Variants in PDE1C observed in about 807,000 individuals in gnomAD.
The protein encoded by PDE1C is phosphodiesterase 1C, also known as dual specificity calcium/calmodulin-dependent 3',5'-cyclic nucleotide phosphodiesterase 1C.
Under a neutral mutation model 93.1 loss-of-function variants are expected in PDE1C, and 62 were observed. The observed-to-expected ratio is 0.67, with a 90% confidence interval of 0.54 to 0.82. The LOEUF (loss-of-function observed/expected upper bound fraction) is 0.82. PDE1C is among the 40% of genes least tolerant of loss of function. The probability of loss-of-function intolerance (pLI) is 0.00; values close to 1 mark genes in which losing one functional copy is unlikely to be tolerated. For missense variants in PDE1C, 742 were observed against 884.6 expected (o/e 0.84, Z 2.04); for synonymous variants, 325 against 310.1 (o/e 1.05, Z -0.50).
downstream of PDE1C, among the ~76,000 whole-genome samples, chr7:31,746,848 A>T (rs996400993): frequency 6.6e-6 from 1 of 152,164 alleles, no homozygotes; most frequent in Non-Finnish European, 1.5e-5. Flanking sequence ...CACAAGTTGG[A>T]GAAAGAGCCA....
At chr7:32,202,170 C>T (rs1401457268) in intron 2 of PDE1C, among the ~76,000 whole-genome samples, 2 of 152,198 alleles carry the variant, frequency 1.3e-5, no homozygotes, top group African/African-American at 4.8e-5. Flanking sequence ...CATCCATAAA[C>T]TCTTAGAAGC....
At chr7:32,413,531 C>T (rs1355138812) in intron 1 of PDE1C, among the ~76,000 whole-genome samples, 1 of 152,066 alleles carries the variant, frequency 6.6e-6, no homozygotes. Context: ...ATCACACTTA[C>T]AGACAGAAAG....
At chr7:32,294,608 T>C (rs1585090790) in intron 1 of PDE1C, among the ~76,000 whole-genome samples, 1 of 152,188 alleles carries the variant, frequency 6.6e-6, no homozygotes, top group African/African-American at 2.4e-5. Flanking sequence ...CAGACATACA[T>C]CACTTTGAGG....
At chr7:32,271,487 A>AC (rs1440478522) in intron 1 of PDE1C, among the ~76,000 whole-genome samples, 11 of 152,214 alleles carry the variant, frequency 7.2e-5, no homozygotes, top group Non-Finnish European at 1.6e-4. Flanking sequence ...CAGGAACACG[A>AC]TCATATCCAA....
intron 2 of PDE1C, among the ~76,000 whole-genome samples, chr7:31,928,978 A>T (rs1304020209): frequency 6.6e-6 from 1 of 152,172 alleles, no homozygotes; most frequent in Non-Finnish European, 1.5e-5. Context: ...CAATTAAGAG[A>T]CACAGACTGG....
intron 3 of PDE1C, among the ~76,000 whole-genome samples, chr7:32,142,263 A>G (rs907106704): frequency 1.3e-5 from 2 of 152,176 alleles, no homozygotes; most frequent in African/African-American, 2.4e-5. Flanking sequence ...GGAAGGTACA[A>G]GGGCAAAGGC....
In PDE1C at chr7:31,851,847, A is replaced by C. The variant is rs1793379371; in HGVS notation, c.751-1106T>G. On this transcript the variant is annotated intron_variant, in intron 7 of 17. Transcript: ENST00000396191. The stretch of plus-strand genomic sequence containing the variant: ...AAAATATGTGTGACAACTGTGAAAG[A>C]GCAGAACACATTTATAGAAAAGTTA... Among the ~76,000 whole-genome samples the C allele has an allele frequency of 3.3e-5, 5 of 152,224 alleles. No individual in the cohort carries two copies. The South Asian group carries it at 1.0e-3, about 31-fold the overall frequency.
chr7:32,246,772 TA>T (rs1808990137), intron 1 of PDE1C, among the ~76,000 whole-genome samples: 1 of 152,230 alleles, frequency 6.6e-6, no homozygotes, highest in Admixed American at 6.5e-5. Context: ...ATGGGTTTAA[TA>T]ATAGTACCTA....
chr7:32,047,030 G>T (rs1253274316), intron 2 of PDE1C, among the ~76,000 whole-genome samples: 1 of 70,400 alleles, frequency 1.4e-5, no homozygotes, highest in Admixed American at 1.2e-4. Context: ...TACTGAAATA[G>T]GGGTGTGTGT....
intron 2 of PDE1C, among the ~76,000 whole-genome samples, chr7:32,005,865 C>T (rs1786178878): frequency 6.6e-6 from 1 of 152,160 alleles, no homozygotes; most frequent in Non-Finnish European, 1.5e-5. Context: ...TCAGAATCTG[C>T]ATTTGCTACC....
chr7:31,958,253 C>T (rs1808432921), intron 2 of PDE1C, among the ~76,000 whole-genome samples: 2 of 152,176 alleles, frequency 1.3e-5, no homozygotes, highest in African/African-American at 4.8e-5. Context: ...AATGAGCCTC[C>T]AACCAACACC....
intron 1 of PDE1C, among the ~76,000 whole-genome samples, chr7:32,226,486 A>G (rs1807278660): frequency 6.6e-6 from 1 of 152,216 alleles, no homozygotes; most frequent in African/African-American, 2.4e-5. Context: ...ATAACGGGTA[A>G]TGATTAGTAT....
At chr7:31,706,806 G>A in the PDE1C span, among the ~76,000 whole-genome samples, 1 of 152,174 alleles carries the variant, frequency 6.6e-6, no homozygotes, top group East Asian at 1.9e-4. Context: ...AATTGTTACT[G>A]TACTCATGTT....
Position 32,203,123 on chromosome 7 carries a change from G to A in PDE1C, c.136+6366C>T, listed in dbSNP as rs141680744. 2.6e-3 allele frequency among the ~76,000 whole-genome samples: 390 copies of A among 151,796 alleles called. 3 individuals are homozygous for A. Among genetic ancestry groups the A allele is most frequent in the African/African-American group, 8.8e-3 (362 of 41,368 alleles). On this transcript the variant is annotated intron_variant, in intron 2 of 18. Coordinates refer to the PDE1C transcript ENST00000396193. ...TGTCCTGGATCCCTTATATGGTTCT[G>A]TCTCAAACGTAGTACATGCCCCCGA... is the stretch of plus-strand genomic sequence containing the variant.
chr7:31,742,690 T>C, the PDE1C span, among the ~76,000 whole-genome samples: 1 of 152,212 alleles, frequency 6.6e-6, no homozygotes, highest in African/African-American at 2.4e-5. Flanking sequence ...ATAAATATAG[T>C]TGAGGGGGAG....
chr7:32,015,641 T>C (rs1166352561), intron 2 of PDE1C, among the ~76,000 whole-genome samples: 3 of 152,158 alleles, frequency 2.0e-5, no homozygotes, highest in Non-Finnish European at 4.4e-5. Context: ...GTATATTTTT[T>C]GCTGATAAAT....
intron 16 of PDE1C, among the ~76,000 whole-genome samples, chr7:31,801,260 G>A (rs893934044): frequency 2.6e-5 from 4 of 150,946 alleles, no homozygotes; most frequent in African/African-American, 9.7e-5. Context: ...CACAAACTAC[G>A]CATATAAAAA....
At chr7:31,691,820 A>AAG in the PDE1C span, among the ~76,000 whole-genome samples, 1 of 151,260 alleles carries the variant, frequency 6.6e-6, no homozygotes, top group Non-Finnish European at 1.5e-5. Flanking sequence ...AAAAAAAAAA[A>AAG]AACCAAGCAA....
Position 32,313,096 on chromosome 7 carries a change from T to C in PDE1C, c.311-103557A>G, listed in dbSNP as rs564873390. 1.0e-3 allele frequency among the ~76,000 whole-genome samples: 150 copies of C among 150,686 alleles called. 2 individuals carry two copies. In the Middle Eastern group the frequency reaches 0.034, roughly 34 times the overall value. On this transcript the variant is annotated intron_variant, in intron 1 of 1. Transcript: ENST00000672256. ...ACCCCATCAAAAAGTGGGCGAAGGA[T>C]ATGAATAGACACTCCTCAAAAGAAG...
Sources: gnomAD v4.1 joint callset for allele counts (sites outside exome capture counted in the v4.1 genomes callset) on GRCh38, gnomAD v4.1.1 for gene constraint, MANE v1.5 for transcripts, NCBI Gene and HGNC (gene_info 2026-07-23, HGNC 2026-07-21) for gene names.